The following DNAJB14 variants were observed in gnomAD, a reference collection of about 807,000 sequenced individuals.
DNAJB14 encodes DnaJ heat shock protein family (Hsp40) member B14.
A neutral mutation model predicts 48.4 loss-of-function variants in DNAJB14; 22 were observed. The observed-to-expected ratio is 0.45, with a 90% CI of 0.32 to 0.65. DNAJB14 has a LOEUF of 0.65. Among genes scored for constraint, DNAJB14 ranks in the 30% least tolerant of loss-of-function variants. The pLI is 0.03. For synonymous variants in DNAJB14, 142 were observed against 158.7 expected (o/e 0.89, Z 0.79); for missense variants, 319 against 458.8 (o/e 0.70, Z 2.78).
rs144021214 is a variant in DNAJB14 at position 99,915,155 on chromosome 4, T to G, written c.452-6259A>C. On this transcript the variant is annotated intron_variant, in intron 3 of 7. Coordinates refer to ENST00000442697, the MANE Select transcript of DNAJB14 (RefSeq NM_001031723.4). Reference sequence around the variant, plus strand: ...TCATGTTACAAGTTTCCTCTCAGCATTCCTTTAGCTGGTCTTCTCAAATTT... The same window carrying G: ...TCATGTTACAAGTTTCCTCTCAGCAGTCCTTTAGCTGGTCTTCTCAAATTT... 2.0e-5 allele frequency among the ~76,000 whole-genome samples: 3 copies of G among 152,356 alleles called. No homozygotes were observed. The East Asian group carries it at 5.8e-4, about 29-fold the overall frequency.
chr4:99,926,749 AAGGGGGGGCCAG>A (rs960656304), intron 2 of DNAJB14: 5 of 152,120 alleles, frequency 3.3e-5, no homozygotes, highest in African/African-American at 1.2e-4. Context: ...ACAAAAAAAA[AAGGGGGGGCCAG>A]ACATGAAAAA....
chr4:99,928,797 A>T (rs1269253512), intron 2 of DNAJB14: 1 of 157,012 alleles, frequency 6.4e-6, no homozygotes, highest in Admixed American at 6.5e-5. Flanking sequence ...TTCATTGAGA[A>T]TATGTTCTCC....
At chr4:99,910,467 G>A (rs1725619823) in intron 3 of DNAJB14, 1 of 151,504 alleles carries the variant, frequency 6.6e-6, no homozygotes, top group Non-Finnish European at 1.5e-5. Context: ...AAACTAAAAG[G>A]GCTATCCCAT....
intron 3 of DNAJB14, among the ~76,000 whole-genome samples, chr4:99,914,726 T>C (rs1471011596): frequency 1.3e-5 from 2 of 152,176 alleles, no homozygotes; most frequent in South Asian, 4.1e-4. Flanking sequence ...TCTACAGGGC[T>C]ATTCACGTTA....
In DNAJB14 at chr4:99,930,557, T is replaced by C. The variant is rs776627517; in HGVS notation, c.198A>G (p.Pro66=). 3 of 1,613,022 alleles carry C rather than the reference T, an allele frequency of 1.9e-6. No individual in the cohort carries two copies. Among genetic ancestry groups the C allele is most frequent in the Non-Finnish European group, 2.5e-6 (3 of 1,179,386 alleles). Residue 66 remains proline, a synonymous_variant, in exon 2 of 8, where the codon CCA becomes CCG. Coordinates refer to ENST00000442697, the MANE Select transcript of DNAJB14 (RefSeq NM_001031723.4). ...GCTTGCTTTGATCGCCACTACCTGA[T>C]GGTTTTCGGCAATGAGGGCTATTTC... The part of the protein sequence containing the change: ...TAGNSPHCRK[P]SGSGDQSKPN...
chr4:99,923,392 A>G (rs1256770027), intron 2 of DNAJB14, among the ~76,000 whole-genome samples: 2 of 152,148 alleles, frequency 1.3e-5, no homozygotes, highest in East Asian at 3.9e-4. Context: ...CGAATCTAAG[A>G]AGAGTAAACC....
chr4:99,941,370 T>C (rs1030650748), intron 1 of DNAJB14, among the ~76,000 whole-genome samples: 1 of 152,162 alleles, frequency 6.6e-6, no homozygotes, highest in East Asian at 1.9e-4. Flanking sequence ...GCTCAAATAA[T>C]TACTTTAACA....
At chr4:99,907,766 A>C (rs1267761593) in intron 4 of DNAJB14, among the ~76,000 whole-genome samples, 1 of 152,174 alleles carries the variant, frequency 6.6e-6, no homozygotes, top group Non-Finnish European at 1.5e-5. Flanking sequence ...ACATTCATGA[A>C]GATTCTCTTA....
At chr4:99,919,986 C>A (rs1304290331) in intron 3 of DNAJB14, among the ~76,000 whole-genome samples, 1 of 152,132 alleles carries the variant, frequency 6.6e-6, no homozygotes, top group Non-Finnish European at 1.5e-5. Flanking sequence ...CTTCATCTTT[C>A]TAACTTTTCT....
At chr4:99,922,799 G>A (rs1158347619) in intron 3 of DNAJB14, 4 of 355,874 alleles carry the variant, frequency 1.1e-5, no homozygotes, top group Non-Finnish European at 2.1e-5. Flanking sequence ...GCATGCATAT[G>A]TGCCTAGAAA....
At chr4:99,938,121 A>G (rs1178714932) in intron 1 of DNAJB14, among the ~76,000 whole-genome samples, 1 of 145,934 alleles carries the variant, frequency 6.9e-6, no homozygotes, top group Non-Finnish European at 1.5e-5. Flanking sequence ...AAAAAAAAAA[A>G]AAAAAATAGC....
At chr4:99,919,288 G>GT (rs1212631175) in intron 3 of DNAJB14, among the ~76,000 whole-genome samples, 2 of 151,862 alleles carry the variant, frequency 1.3e-5, no homozygotes, top group Admixed American at 1.3e-4. Flanking sequence ...TATATATGGG[G>GT]TAAAAAAATA....
At chr4:99,934,736 G>A (rs1280314667) in intron 1 of DNAJB14, among the ~76,000 whole-genome samples, 2 of 121,104 alleles carry the variant, frequency 1.7e-5, no homozygotes, top group African/African-American at 3.2e-5. Context: ...AGGTTGCAAT[G>A]AGCTGAGATT....
Position 99,898,641 on chromosome 4 carries a change from G to A in DNAJB14, c.*2387C>T, listed in dbSNP as rs1725200604. On this transcript the variant is annotated 3_prime_UTR_variant, in exon 8 of 8. Coordinates refer to ENST00000442697, the MANE Select transcript of DNAJB14 (RefSeq NM_001031723.4). The stretch of plus-strand genomic sequence containing the variant: ...TAAAGCATTAATAAATATAAGTGCT[G>A]CTAAACTGTTAGAATACCAGTTAGA... 6.6e-6 allele frequency: 1 copy of A among 151,930 alleles called. No individual in the cohort carries two copies. The highest frequency in any genetic ancestry group is 2.4e-5 in the African/African-American group (1 of 41,414). 9.4% of individuals were successfully genotyped at this position (151,930 alleles called of 1,614,324 possible).
intron 3 of DNAJB14, among the ~76,000 whole-genome samples, chr4:99,912,423 C>G (rs1279981699): frequency 6.6e-6 from 1 of 151,852 alleles, no homozygotes; most frequent in African/African-American, 2.4e-5. Context: ...CAAAACAAAT[C>G]CTGCTAGGAT....
intron 1 of DNAJB14, among the ~76,000 whole-genome samples, chr4:99,939,459 C>T (rs1459232241): frequency 1.3e-5 from 2 of 152,220 alleles, no homozygotes; most frequent in African/African-American, 4.8e-5. Context: ...TGTGTTCCTC[C>T]TTTCATTTTT....
chr4:99,913,916 T>C (rs1258392531), intron 3 of DNAJB14, among the ~76,000 whole-genome samples: 4 of 152,210 alleles, frequency 2.6e-5, no homozygotes, highest in Non-Finnish European at 5.9e-5. Context: ...TATGGTTCTA[T>C]AGGCTGAAAA....
At chr4:99,922,602 G>A (rs1726100249) in intron 3 of DNAJB14, 1 of 151,894 alleles carries the variant, frequency 6.6e-6, no homozygotes. Flanking sequence ...AAAAAACTGG[G>A]CAAAGTTTAA....
At position 99,898,720 on chromosome 4, in the gene DNAJB14, T is replaced by C. The variant is rs1725203173; in HGVS notation, c.*2308A>G. 6.6e-6 allele frequency: 1 copy of C among 151,908 alleles called. No homozygotes were observed. The highest frequency in any genetic ancestry group is 2.4e-5 in the African/African-American group (1 of 41,440). The allele number at this position is 151,908 out of a possible 1,614,324, so 9.4% of individuals were successfully genotyped here. A position where few individuals can be genotyped will look rare whatever the true frequency, so the allele number is the denominator to read the frequency against. ...GAGGACTTTTAGGTGGTCATTAGAA[T>C]GAGCCGATGAAATTGCGAAGTTCAT... On this transcript the variant is annotated 3_prime_UTR_variant, in exon 8 of 8. Coordinates refer to ENST00000442697, the MANE Select transcript of DNAJB14 (RefSeq NM_001031723.4).
Sources: gnomAD v4.1 joint callset for allele counts (sites outside exome capture counted in the v4.1 genomes callset) on GRCh38, gnomAD v4.1.1 for gene constraint, MANE v1.5 for transcripts, NCBI Gene and HGNC (gene_info 2026-07-23, HGNC 2026-07-21) for gene names.